Variants in CHST8 observed in about 807,000 individuals in gnomAD.
The protein encoded by CHST8 is carbohydrate sulfotransferase 8, also known as GALNAC-4-ST1.
CHST8 carries 10 observed loss-of-function variants against 15.0 expected under a neutral mutation model. The observed-to-expected ratio is 0.67, with a 90% CI of 0.41 to 1.13. The LOEUF is 1.13. Among genes scored for constraint, CHST8 ranks in the 50% most tolerant of loss-of-function variants. The pLI is 0.00. For synonymous variants in CHST8, 259 were observed against 256.6 expected (o/e 1.01, Z -0.09); for missense variants, 634 against 608.2 (o/e 1.04, Z -0.45).
At chr19:33,626,925 A>C (rs959754425) in intron 1 of CHST8, among the ~76,000 whole-genome samples, 1 of 151,526 alleles carries the variant, frequency 6.6e-6, no homozygotes, top group Non-Finnish European at 1.5e-5. Flanking sequence ...AGTAGCTGGG[A>C]CTACAGATGC....
Position 33,650,518 on chromosome 19 carries a change from C to CTTTTTTTTTTTTTTTTTTTTTTT in CHST8, c.-163-17242_-163-17220dup, listed in dbSNP as rs869057036. On this transcript the variant is annotated intron_variant, in intron 1 of 4. Coordinates refer to ENST00000650847, the MANE Select transcript of CHST8 (RefSeq NM_001127895.2). Reference sequence around the variant, plus strand: ...TTCTTTTTCTTTTTCTTTTTCTTTTCTTTTTTTTTTTTTTTTTTTTTTTTT... The same window carrying CTTTTTTTTTTTTTTTTTTTTTTT: ...TTCTTTTTCTTTTTCTTTTTCTTTTCTTTTTTTTTTTTTTTTTTTTTTTTTTTTTTTTTTTTTTTTTTTTTTTT... Among the ~76,000 whole-genome samples the CTTTTTTTTTTTTTTTTTTTTTTT allele has an allele frequency of 3.1e-3, 113 of 36,120 alleles. 18 individuals are homozygous for CTTTTTTTTTTTTTTTTTTTTTTT. The highest frequency in any genetic ancestry group is 4.1e-3 in the Non-Finnish European group (86 of 20,912). The allele number at this position is 36,120 out of a possible 152,430, so 23.7% of individuals were successfully genotyped here.
chr19:33,623,756 A>C (rs1199683003), intron 1 of CHST8, among the ~76,000 whole-genome samples: 1 of 152,168 alleles, frequency 6.6e-6, no homozygotes, highest in Non-Finnish European at 1.5e-5. Flanking sequence ...CCTGTCCCAA[A>C]GGCAAGGCAG....
chr19:33,653,532 A>G (rs1482303105), intron 1 of CHST8, among the ~76,000 whole-genome samples: 1 of 152,186 alleles, frequency 6.6e-6, no homozygotes, highest in Admixed American at 6.5e-5. Flanking sequence ...TTTTTCAGTC[A>G]TCATCTCTTC....
chr19:33,674,498 A>T (rs561591382), intron 2 of CHST8, among the ~76,000 whole-genome samples: 28 of 152,348 alleles, frequency 1.8e-4, no homozygotes, highest in African/African-American at 6.7e-4. Flanking sequence ...CATGCAGCGC[A>T]GCACTTCTCC....
At chr19:33,679,803 C>G (rs1972861170) in intron 2 of CHST8, among the ~76,000 whole-genome samples, 1 of 152,176 alleles carries the variant, frequency 6.6e-6, no homozygotes. Context: ...AGATCTGCTG[C>G]CCAGATCTTC....
intron 3 of CHST8, among the ~76,000 whole-genome samples, chr19:33,721,212 C>T (rs1406473355): frequency 2.6e-5 from 4 of 152,222 alleles, no homozygotes; most frequent in African/African-American, 7.2e-5. Flanking sequence ...TCCTCGGAGT[C>T]AGCATTGGCT....
intron 3 of CHST8, among the ~76,000 whole-genome samples, chr19:33,761,888 G>A (rs1184445221): frequency 6.6e-6 from 1 of 152,040 alleles, no homozygotes. Context: ...GATACATAAA[G>A]GAAAGAAGAG....
chr19:33,713,445 T>C (rs1973598908), intron 3 of CHST8, among the ~76,000 whole-genome samples: 1 of 152,210 alleles, frequency 6.6e-6, no homozygotes, highest in South Asian at 2.1e-4. Flanking sequence ...GCCAAGCAGC[T>C]GCCCACTTCC....
chr19:33,706,813 C>T (rs891837956), intron 3 of CHST8, among the ~76,000 whole-genome samples: 1 of 152,206 alleles, frequency 6.6e-6, no homozygotes, highest in Non-Finnish European at 1.5e-5. Flanking sequence ...GCGCGTCAAG[C>T]GTGTACAACA....
chr19:33,650,501 C>CTTTTTTTTTTTTTTTTTTT (rs1209646054), intron 1 of CHST8, among the ~76,000 whole-genome samples: 1 of 50,928 alleles, frequency 2.0e-5, no homozygotes, highest in African/African-American at 7.1e-5. Context: ...TTTTCTTTTT[C>CTTTTTTTTTTTTTTTTTTT]TTTTTCTTTT....
intron 3 of CHST8, among the ~76,000 whole-genome samples, chr19:33,765,425 A>G (rs1211729289): frequency 6.6e-6 from 1 of 152,026 alleles, no homozygotes; most frequent in African/African-American, 2.4e-5. Context: ...AGCTGCAGGA[A>G]CAAACCAAAG....
intron 3 of CHST8, among the ~76,000 whole-genome samples, chr19:33,736,121 T>C (rs1974079091): frequency 6.6e-6 from 1 of 152,190 alleles, no homozygotes; most frequent in Admixed American, 6.5e-5. Context: ...TATGGTGTCA[T>C]AGACCCTCAG....
chr19:33,693,132 G>T (rs144709071), intron 3 of CHST8, among the ~76,000 whole-genome samples: 1 of 151,116 alleles, frequency 6.6e-6, no homozygotes, highest in Admixed American at 6.6e-5. Context: ...TCAGCCTCTC[G>T]AGTAGCTGGG....
At chr19:33,696,312 T>A (rs1177369242) in intron 3 of CHST8, among the ~76,000 whole-genome samples, 1 of 152,004 alleles carries the variant, frequency 6.6e-6, no homozygotes, top group Non-Finnish European at 1.5e-5. Context: ...TTTGGTTTTT[T>A]AAGGCAGGGG....
At chr19:33,691,529 G>A (rs528186372) in intron 3 of CHST8, among the ~76,000 whole-genome samples, 2 of 152,136 alleles carry the variant, frequency 1.3e-5, no homozygotes, top group Non-Finnish European at 1.5e-5. Flanking sequence ...TACTTCTCAC[G>A]GCAGCCTAAT....
chr19:33,768,681 C>T (rs903090127), intron 3 of CHST8, among the ~76,000 whole-genome samples: 1 of 152,002 alleles, frequency 6.6e-6, no homozygotes, highest in African/African-American at 2.4e-5. Context: ...CTCGAACTCC[C>T]GGACTCAAGT....
intron 3 of CHST8, among the ~76,000 whole-genome samples, chr19:33,705,845 A>G (rs1299903045): frequency 6.6e-6 from 1 of 152,090 alleles, no homozygotes; most frequent in Non-Finnish European, 1.5e-5. Flanking sequence ...CCCCAGTACT[A>G]GGAGAGGGAC....
At chr19:33,694,130 A>ATATATATAT (rs1973155858) in intron 3 of CHST8, among the ~76,000 whole-genome samples, 9 of 95,380 alleles carry the variant, frequency 9.4e-5, no homozygotes, top group Non-Finnish European at 1.7e-4. Context: ...ATATATATAT[A>ATATATATAT]AATGCAATGT....
chr19:33,759,130 A>G (rs143229955), intron 3 of CHST8, among the ~76,000 whole-genome samples: 3,161 of 151,796 alleles, frequency 0.021, 52 homozygotes, highest in East Asian at 0.028. Flanking sequence ...AACACCCCCC[A>G]CCAGGACCCA....
Sources: gnomAD v4.1 joint callset for allele counts (sites outside exome capture counted in the v4.1 genomes callset) on GRCh38, gnomAD v4.1.1 for gene constraint, MANE v1.5 for transcripts, NCBI Gene and HGNC (gene_info 2026-07-23, HGNC 2026-07-21) for gene names.